The following IKZF1 variants were observed in gnomAD, a reference collection of about 807,000 sequenced individuals.
The protein encoded by IKZF1 is DNA-binding protein Ikaros.
In IKZF1, 10 loss-of-function variants were observed where a neutral mutation model predicts 51.7. The ratio of observed to expected loss-of-function variants is 0.19; its 90% CI spans 0.12 to 0.33. The LOEUF (loss-of-function observed/expected upper bound fraction) is 0.33, where lower values mean the gene tolerates loss of function less well. Ranked by LOEUF, IKZF1 falls within the 10% of genes least tolerant of loss-of-function variation. The probability of loss-of-function intolerance (pLI) is 1.00; values close to 1 mark genes in which losing one functional copy is unlikely to be tolerated. For missense variants in IKZF1, 484 were observed against 707.5 expected (o/e 0.68, Z 3.58); for synonymous variants, 280 against 282.3 (o/e 0.99, Z 0.08).
At chr7:50,369,775 A>T in intron 3 of IKZF1, 1 of 390,760 alleles carries the variant, frequency 2.6e-6, no homozygotes, top group Non-Finnish European at 4.5e-6. Flanking sequence ...TCTTTTTTTT[A>T]TTCTCTTTAT....
At chr7:50,360,051 G>A (rs957340758) in intron 3 of IKZF1, among the ~76,000 whole-genome samples, 3 of 152,114 alleles carry the variant, frequency 2.0e-5, no homozygotes, top group Admixed American at 1.3e-4. Context: ...GGCCGAGAGC[G>A]GCGGGATTAA....
At position 50,372,172 on chromosome 7, in the gene IKZF1, G is replaced by A. The variant is rs150667130; in HGVS notation, c.161-4361G>A. On this transcript the variant is annotated intron_variant, in intron 3 of 7. Transcript: ENST00000331340. The stretch of plus-strand genomic sequence containing the variant: ...CCTCCTAGCTGGATAAGAGACCCCC[G>A]TTTTCATGGACAGCCTCCTTGGGTG... Among the ~76,000 whole-genome samples the A allele has an allele frequency of 3.8e-3, 585 of 152,312 alleles. 5 individuals are homozygous for A. The highest frequency in any genetic ancestry group is 0.013 in the African/African-American group (552 of 41,574).
At chr7:50,346,484 G>T (rs971597184) in intron 3 of IKZF1, among the ~76,000 whole-genome samples, 2 of 152,136 alleles carry the variant, frequency 1.3e-5, no homozygotes, top group African/African-American at 4.8e-5. Flanking sequence ...TAAATAGCCC[G>T]TTCTCCTGGC....
chr7:50,392,219 C>G (rs1000201574), intron 7 of IKZF1, among the ~76,000 whole-genome samples: 10 of 152,286 alleles, frequency 6.6e-5, no homozygotes, highest in Admixed American at 2.6e-4. Context: ...GCCTGGCCGG[C>G]TTCTCAGAGC....
At chr7:50,306,832 A>T (rs1176576489) in intron 1 of IKZF1, among the ~76,000 whole-genome samples, 4 of 152,228 alleles carry the variant, frequency 2.6e-5, no homozygotes, top group African/African-American at 9.6e-5. Flanking sequence ...TGTGTGTTTC[A>T]TGCGTGGTTA....
chr7:50,400,037 G>T lies in IKZF1; in HGVS notation c.970G>T (p.Ala324Ser). The T allele has an allele frequency of 6.2e-7, 1 of 1,611,484 alleles. No homozygotes were observed. Among genetic ancestry groups the T allele is most frequent in the Non-Finnish European group, 8.5e-7 (1 of 1,179,082 alleles). The change falls in exon 8 of 8, where the codon GCC becomes TCC. Residue 324 changes from alanine to serine, a missense_variant. Transcript: ENST00000331340. This position sits in a 1 kb window ranked among gnomAD's most constrained non-coding sequence, Gnocchi z 5.4. ...AINNAINYLG[A>S]ESLRPLVQTP... is the part of the protein sequence containing the mutation. ...CAACAACGCCATCAACTACCTGGGG[G>T]CCGAGTCCCTGCGCCCGCTGGTGCA...
rs527583513 is a variant in IKZF1 at position 50,376,076 on chromosome 7, T to C, written c.161-457T>C. Among the ~76,000 whole-genome samples the C allele has an allele frequency of 6.6e-6, 1 of 152,308 alleles. No individual in the cohort carries two copies. The highest frequency in any genetic ancestry group is 1.9e-4 in the East Asian group (1 of 5,186). ...GTTTTTCAGGCTTGATAACCACTTATTAGGTATTTTGCCAAACAAGTTCAC... is the reference window on the plus strand; with the variant it reads ...GTTTTTCAGGCTTGATAACCACTTACTAGGTATTTTGCCAAACAAGTTCAC... On this transcript the variant is annotated intron_variant, in intron 3 of 7. Coordinates refer to ENST00000331340, the MANE Select transcript of IKZF1 (RefSeq NM_006060.6). This position sits in a 1 kb window ranked among gnomAD's most constrained non-coding sequence, Gnocchi z 4.5.
chr7:50,356,603 G>T (rs564986001), intron 3 of IKZF1, among the ~76,000 whole-genome samples: 1 of 152,200 alleles, frequency 6.6e-6, no homozygotes, highest in Non-Finnish European at 1.5e-5. Flanking sequence ...GTGTGCGCAC[G>T]CACTCTGCTA....
At chr7:50,332,228 G>A (rs965432691) in intron 3 of IKZF1, among the ~76,000 whole-genome samples, 1 of 152,222 alleles carries the variant, frequency 6.6e-6, no homozygotes, top group African/African-American at 2.4e-5. Context: ...GAGCAGATAA[G>A]TGTTTTGTGT....
intron 3 of IKZF1, 113 bp downstream of exon 3, chr7:50,327,870 G>C: frequency 8.4e-7 from 1 of 1,192,808 alleles, no homozygotes; most frequent in Non-Finnish European, 1.2e-6. Flanking sequence ...CCCTCAACTG[G>C]CATATTAAAG....
intron 1 of IKZF1, among the ~76,000 whole-genome samples, chr7:50,316,210 C>T (rs1791497618): frequency 6.6e-6 from 1 of 152,130 alleles, no homozygotes; most frequent in African/African-American, 2.4e-5. Flanking sequence ...GGGCTCAGTG[C>T]AGACCGAAAA....
chr7:50,324,851 A>T (rs1312939587), intron 2 of IKZF1, among the ~76,000 whole-genome samples: 1 of 152,146 alleles, frequency 6.6e-6, no homozygotes, highest in African/African-American at 2.4e-5. Flanking sequence ...GTAAGTCCTG[A>T]TTCTTTATGA....
At chr7:50,353,807 C>T (rs1387530281) in intron 3 of IKZF1, among the ~76,000 whole-genome samples, 1 of 152,234 alleles carries the variant, frequency 6.6e-6, no homozygotes, top group African/African-American at 2.4e-5. Context: ...ACATATTTCT[C>T]TCCAGGAGTA....
intron 3 of IKZF1, among the ~76,000 whole-genome samples, chr7:50,354,090 G>A (rs1802595629): frequency 6.6e-6 from 1 of 152,166 alleles, no homozygotes; most frequent in African/African-American, 2.4e-5. Flanking sequence ...AAAGCCCCAG[G>A]TGTGGTGTCC....
intron 1 of IKZF1, 80 bp from the exon 2 acceptor site, chr7:50,318,967 AG>A: frequency 1.2e-6 from 1 of 848,534 alleles, no homozygotes; most frequent in Non-Finnish European, 2.0e-6. Flanking sequence ...TAAATAGCAT[AG>A]GGGTTCTTTA....
chr7:50,399,765 G>A (rs1817647040), intron 7 of IKZF1, 153 bp from the exon 8 acceptor site: 10 of 1,169,374 alleles, frequency 8.6e-6, no homozygotes, highest in Non-Finnish European at 1.2e-5. Context: ...GCAGGTGTGT[G>A]TGTATGTGTG....
At chr7:50,335,854 A>T (rs1332121858) in intron 3 of IKZF1, among the ~76,000 whole-genome samples, 4 of 151,872 alleles carry the variant, frequency 2.6e-5, no homozygotes, top group Non-Finnish European at 5.9e-5. Flanking sequence ...GTGGGTAGGT[A>T]GGCCTGGCTC....
At chr7:50,305,103 T>A (rs550573159) in intron 1 of IKZF1, among the ~76,000 whole-genome samples, 181 bp downstream of exon 1, 3 of 152,324 alleles carry the variant, frequency 2.0e-5, no homozygotes, top group Admixed American at 6.5e-5. Context: ...TGCTCTGCAC[T>A]GTGCCAGCAG....
At chr7:50,343,038 CCTTT>C (rs1191344163) in intron 3 of IKZF1, among the ~76,000 whole-genome samples, 4 of 151,082 alleles carry the variant, frequency 2.6e-5, no homozygotes, top group Non-Finnish European at 2.9e-5. Flanking sequence ...TTCCTTCCTT[CCTTT>C]CTTCCTTTTT....
Sources: gnomAD v4.1 joint callset for allele counts (sites outside exome capture counted in the v4.1 genomes callset) on GRCh38, gnomAD v4.1.1 for gene constraint, Gnocchi (gnomAD v3.1) non-coding constraint, MANE v1.5 for transcripts, NCBI Gene and HGNC (gene_info 2026-07-23, HGNC 2026-07-21) for gene names.